PDGFC: variants seen among roughly 807,000 people sequenced by gnomAD.
The protein encoded by PDGFC is platelet-derived growth factor C.
In PDGFC, 12 loss-of-function variants were observed where a neutral mutation model predicts 35.5. The ratio of observed to expected loss-of-function variants is 0.34; its 90% CI spans 0.22 to 0.55. PDGFC has a LOEUF of 0.55. PDGFC is among the 20% of genes least tolerant of loss of function. PDGFC has a pLI of 0.91. For missense variants in PDGFC, 322 were observed against 412.4 expected, an observed-to-expected ratio of 0.78 and a Z score of 1.90; for synonymous variants, 159 against 148.8, an observed-to-expected ratio of 1.07 and a Z score of -0.50.
intron 4 of PDGFC, among the ~76,000 whole-genome samples, chr4:156,772,050 C>A (rs1730706709): frequency 6.6e-6 from 1 of 152,092 alleles, no homozygotes; most frequent in South Asian, 2.1e-4. Flanking sequence ...GAAAGATACA[C>A]CCATATGGGC....
intron 1 of PDGFC, chr4:156,861,472 C>T: frequency 7.9e-7 from 1 of 1,261,778 alleles, no homozygotes; most frequent in South Asian, 1.2e-5. Context: ...AGTCCAGATG[C>T]TTGGATATAG....
chr4:156,848,689 A>C (rs1353565983), intron 2 of PDGFC, among the ~76,000 whole-genome samples: 1 of 152,038 alleles, frequency 6.6e-6, no homozygotes, highest in Non-Finnish European at 1.5e-5. Flanking sequence ...GGAATTAACT[A>C]TTTTTGTAAG....
In PDGFC at chr4:156,919,427, T is replaced by C. The variant is rs572040840; in HGVS notation, c.118+51359A>G. 2.6e-5 allele frequency among the ~76,000 whole-genome samples: 4 copies of C among 152,308 alleles called. No homozygotes were observed. In the East Asian group the frequency reaches 7.7e-4, roughly 29 times the overall value. ...ATACTCCCAACTGAAGAGGGAGAGTTACTCCAGAGAAAGAAAGCAGACAGC... is the reference window on the plus strand; with the variant it reads ...ATACTCCCAACTGAAGAGGGAGAGTCACTCCAGAGAAAGAAAGCAGACAGC... On this transcript the variant is annotated intron_variant, in intron 1 of 5. Transcript: ENST00000502773.
chr4:156,809,187 T>C (rs1057059413), intron 3 of PDGFC, among the ~76,000 whole-genome samples: 1 of 152,012 alleles, frequency 6.6e-6, no homozygotes, highest in African/African-American at 2.4e-5. Flanking sequence ...CAATAGCCCA[T>C]TGAAGTCCAT....
At chr4:156,767,143 C>T (rs1730561164) in intron 5 of PDGFC, among the ~76,000 whole-genome samples, 1 of 151,896 alleles carries the variant, frequency 6.6e-6, no homozygotes, top group Non-Finnish European at 1.5e-5. Flanking sequence ...GAGACTCCAT[C>T]ACTAAGAAAA....
chr4:156,818,126 T>A (rs1560824377), intron 2 of PDGFC, among the ~76,000 whole-genome samples: 1 of 147,782 alleles, frequency 6.8e-6, no homozygotes, highest in Non-Finnish European at 1.5e-5. Flanking sequence ...TACTAGATAC[T>A]AAAAATTAAG....
At chr4:156,936,585 C>T (rs1731689003) in intron 1 of PDGFC, among the ~76,000 whole-genome samples, 1 of 152,004 alleles carries the variant, frequency 6.6e-6, no homozygotes, top group Admixed American at 6.6e-5. Flanking sequence ...AGAAGAAACA[C>T]TAGAGAAGAA....
chr4:156,810,922 C>T lies in PDGFC; in HGVS notation c.410G>A (p.Gly137Glu). Residue 137 changes from glycine to glutamate, a missense_variant, in exon 3 of 6, where the codon GGA (glycine) becomes GAA (glutamate). By Grantham distance (98) the Gly-to-Glu change is moderately conservative. Transcript: ENST00000502773. ...GTVPGKQISKGNQIRIRFVSD... is the reference protein window; with the variant it reads ...GTVPGKQISKENQIRIRFVSD... ...TACAAATCTTATCCTAATTTGATTT[C>T]CTTTAGAAATCTGTTTTCCTGGTAC... is the stretch of plus-strand genomic sequence containing the variant. The T allele has an allele frequency of 1.2e-6, 2 of 1,607,900 alleles. No individual in the cohort carries two copies. The highest frequency in any genetic ancestry group is 1.7e-6 in the Non-Finnish European group (2 of 1,174,872).
intron 2 of PDGFC, among the ~76,000 whole-genome samples, chr4:156,831,522 C>T (rs1162463448): frequency 2.1e-5 from 3 of 145,992 alleles, no homozygotes; most frequent in South Asian, 4.6e-4. Context: ...CGACTCACTG[C>T]AACCTCCACC....
At chr4:156,872,554 C>G in intron 1 of PDGFC, among the ~76,000 whole-genome samples, 1 of 152,168 alleles carries the variant, frequency 6.6e-6, no homozygotes, top group Non-Finnish European at 1.5e-5. Flanking sequence ...CAGACTCACA[C>G]ACTTTGCAAC....
chr4:156,887,548 A>G (rs111768872), intron 1 of PDGFC, among the ~76,000 whole-genome samples: 1 of 152,318 alleles, frequency 6.6e-6, no homozygotes, highest in African/African-American at 2.4e-5. Context: ...ATCAATCATT[A>G]GCAAAGAAAA....
intron 1 of PDGFC, among the ~76,000 whole-genome samples, chr4:156,963,354 C>T (rs1327473406): frequency 6.6e-6 from 1 of 151,956 alleles, no homozygotes; most frequent in Admixed American, 6.6e-5. Context: ...CCTGTAATCC[C>T]AGCTACTTGG....
chr4:156,800,949 G>A (rs1384301351), intron 3 of PDGFC, among the ~76,000 whole-genome samples: 1 of 152,120 alleles, frequency 6.6e-6, no homozygotes, highest in African/African-American at 2.4e-5. Context: ...GAAACACTAT[G>A]AGGTTAGGAG....
chr4:156,845,369 GAAAAT>G (rs1291335339), intron 2 of PDGFC, among the ~76,000 whole-genome samples: 1 of 151,464 alleles, frequency 6.6e-6, no homozygotes, highest in Non-Finnish European at 1.5e-5. Context: ...ATGAATGTAA[GAAAAT>G]AAATTAAAAA....
At chr4:156,810,041 C>T (rs1731888754) in intron 3 of PDGFC, among the ~76,000 whole-genome samples, 1 of 151,788 alleles carries the variant, frequency 6.6e-6, no homozygotes, top group South Asian at 2.1e-4. Flanking sequence ...TCACTAAGTT[C>T]TGTGAAACAA....
At chr4:156,802,866 G>A (rs1012486076) in intron 3 of PDGFC, among the ~76,000 whole-genome samples, 1 of 152,122 alleles carries the variant, frequency 6.6e-6, no homozygotes, top group Non-Finnish European at 1.5e-5. Context: ...TTAAGTTTGA[G>A]GGTTAATACT....
intron 5 of PDGFC, among the ~76,000 whole-genome samples, chr4:156,766,200 A>T (rs1332593288): frequency 6.6e-6 from 1 of 152,170 alleles, no homozygotes; most frequent in African/African-American, 2.4e-5. Context: ...CTACAGATGC[A>T]CTGAGGATGA....
chr4:156,920,138 A>G (rs1560873325), intron 1 of PDGFC, among the ~76,000 whole-genome samples: 1 of 152,228 alleles, frequency 6.6e-6, no homozygotes, highest in Non-Finnish European at 1.5e-5. Context: ...AGCAGATACC[A>G]GCACCATGCT....
intron 2 of PDGFC, among the ~76,000 whole-genome samples, chr4:156,826,174 A>ATATTTTTTTTTT (rs1553967848): frequency 2.3e-5 from 1 of 43,768 alleles, no homozygotes; most frequent in Non-Finnish European, 4.1e-5. Context: ...TTTGAGTTGG[A>ATATTTTTTTTTT]TTTTTTTTTT....
Sources: allele counts gnomAD v4.1 joint callset (sites outside exome capture counted in the v4.1 genomes callset), GRCh38; gene constraint gnomAD v4.1.1; transcripts MANE v1.5; gene names NCBI Gene and HGNC (gene_info 2026-07-23, HGNC 2026-07-21).